The following ASIC2 variants were observed in gnomAD, a reference collection of about 807,000 sequenced individuals.
The protein encoded by ASIC2 is acid-sensing ion channel 2.
ASIC2 carries 25 observed loss-of-function variants against 57.3 expected under a neutral mutation model. The observed-to-expected ratio is 0.44, with a 90% CI of 0.32 to 0.61. The LOEUF (loss-of-function observed/expected upper bound fraction) is 0.61, where lower values mean the gene tolerates loss of function less well. ASIC2 is among the 20% of genes least tolerant of loss of function. The probability of loss-of-function intolerance (pLI) is 0.06; values close to 1 mark genes in which losing one functional copy is unlikely to be tolerated. For synonymous variants in ASIC2, 319 were observed against 307.5 expected (o/e 1.04, Z -0.39); for missense variants, 641 against 738.1 (o/e 0.87, Z 1.52).
chr17:33,370,634 T>G (rs1261816267), intron 1 of ASIC2, among the ~76,000 whole-genome samples: 1 of 152,210 alleles, frequency 6.6e-6, no homozygotes, highest in Non-Finnish European at 1.5e-5. Flanking sequence ...AAGCTCAGAA[T>G]GTACCATGCA....
At position 34,156,733 on chromosome 17, in the gene ASIC2, C is replaced by T. The variant is rs1904738379; in HGVS notation, c.-201G>A. 5 of 573,054 alleles carry T rather than the reference C, an allele frequency of 8.7e-6. No individual in the cohort carries two copies. Among genetic ancestry groups the T allele is most frequent in the Non-Finnish European group, 1.5e-5 (5 of 332,854 alleles). 35.5% of individuals were successfully genotyped at this position (573,054 alleles called of 1,614,324 possible). A position where few individuals can be genotyped will look rare whatever the true frequency, so the allele number is the denominator to read the frequency against. On this transcript the variant is annotated 5_prime_UTR_variant, in exon 1 of 10. Coordinates refer to the ASIC2 transcript ENST00000359872. This position sits in a 1 kb window ranked among gnomAD's most constrained non-coding sequence, Gnocchi z 4.4. The stretch of plus-strand genomic sequence containing the variant: ...TGTTTATATAAAACCCATTCAAACT[C>T]TAGCTCTTGATTTTTTCCAGGCGAT...
intron 1 of ASIC2, chr17:34,072,435 A>G (rs1257667339): frequency 6.6e-6 from 1 of 152,208 alleles, no homozygotes; most frequent in Non-Finnish European, 1.5e-5. Flanking sequence ...GGCTAGATAA[A>G]TTTTTAAGGC....
intron 1 of ASIC2, chr17:34,038,664 C>T: frequency 6.3e-7 from 1 of 1,584,736 alleles, no homozygotes; most frequent in Non-Finnish European, 8.7e-7. Flanking sequence ...CTCTCCAGCT[C>T]TGCCTGGATC....
rs551590387 is a variant in ASIC2 at position 33,380,103 on chromosome 17, G to T, written c.556-268036C>A. Among the ~76,000 whole-genome samples, 20 of 151,866 alleles carry T rather than the reference G, an allele frequency of 1.3e-4. No homozygotes were observed. In the East Asian group the frequency reaches 3.9e-3, roughly 30 times the overall value. ...TCTAGTAAAAATACAAAAATTAGCC[G>T]GGAGTGCTGGCACGTGCCTGTAATC... On this transcript the variant is annotated intron_variant, in intron 1 of 9. Transcript: ENST00000359872.
At chr17:33,928,472 C>A (rs116543765) in intron 1 of ASIC2, among the ~76,000 whole-genome samples, 269 of 152,344 alleles carry the variant, frequency 1.8e-3, no homozygotes, top group African/African-American at 6.1e-3. Context: ...TACACCTATG[C>A]TCTTTATGAT....
chr17:33,232,773 T>C (rs542359587), intron 1 of ASIC2, among the ~76,000 whole-genome samples: 1 of 152,278 alleles, frequency 6.6e-6, no homozygotes, highest in East Asian at 1.9e-4. Context: ...TTAATATGCA[T>C]CTCTGTGGCC....
At chr17:33,386,044 T>A (rs138846249) in intron 1 of ASIC2, among the ~76,000 whole-genome samples, 57 of 152,334 alleles carry the variant, frequency 3.7e-4, no homozygotes, top group African/African-American at 1.4e-3. Context: ...TATTTACTTA[T>A]CTAACAGACT....
chr17:34,129,468 C>T (rs535669898), intron 1 of ASIC2, among the ~76,000 whole-genome samples: 5 of 152,198 alleles, frequency 3.3e-5, no homozygotes, highest in Non-Finnish European at 7.3e-5. Flanking sequence ...TATACACACA[C>T]ATACCACAGG....
At chr17:33,693,703 T>C (rs772412377) in intron 1 of ASIC2, among the ~76,000 whole-genome samples, 24 of 152,082 alleles carry the variant, frequency 1.6e-4, no homozygotes, top group Admixed American at 2.6e-4. Flanking sequence ...GTCTCCCTAT[T>C]GCAGCTCACT....
chr17:33,553,308 G>A (rs548681833), intron 1 of ASIC2, among the ~76,000 whole-genome samples: 1 of 152,232 alleles, frequency 6.6e-6, no homozygotes, highest in African/African-American at 2.4e-5. Flanking sequence ...TTAGAATAAT[G>A]AGTCATATTC....
At chr17:33,742,266 C>G (rs576740935) in intron 1 of ASIC2, among the ~76,000 whole-genome samples, 1 of 152,322 alleles carries the variant, frequency 6.6e-6, no homozygotes, top group South Asian at 2.1e-4. Flanking sequence ...TCTTGCAGCC[C>G]CCTACTGTGC....
intron 1 of ASIC2, among the ~76,000 whole-genome samples, chr17:33,338,390 G>T (rs188324952): frequency 6.6e-6 from 1 of 152,316 alleles, no homozygotes; most frequent in East Asian, 1.9e-4. Context: ...GCAGAGGTTA[G>T]TGCTGGGCTT....
intron 1 of ASIC2, among the ~76,000 whole-genome samples, chr17:33,628,064 C>CTG (rs574692510): frequency 8.8e-4 from 134 of 152,220 alleles, no homozygotes; most frequent in African/African-American, 3.0e-3. Context: ...TCCTCCTGTG[C>CTG]TGTGTGTGGG....
intron 1 of ASIC2, among the ~76,000 whole-genome samples, chr17:33,655,686 C>G (rs1907054040): frequency 6.6e-6 from 1 of 152,158 alleles, no homozygotes; most frequent in Non-Finnish European, 1.5e-5. Context: ...AAGGCTGCAC[C>G]TCTATTTTGG....
chr17:33,578,210 G>C (rs920458839), intron 1 of ASIC2, among the ~76,000 whole-genome samples: 5 of 152,200 alleles, frequency 3.3e-5, no homozygotes, highest in Admixed American at 3.3e-4. Context: ...TCTGATTTTA[G>C]GAATGATGAG....
intron 1 of ASIC2, among the ~76,000 whole-genome samples, chr17:33,854,156 A>T (rs1370139799): frequency 6.6e-6 from 1 of 152,180 alleles, no homozygotes; most frequent in African/African-American, 2.4e-5. Flanking sequence ...GAGGAGGCAC[A>T]TTTCTTTGCT....
intron 1 of ASIC2, among the ~76,000 whole-genome samples, chr17:33,475,125 C>CTGAG (rs1331935404): frequency 1.3e-5 from 2 of 151,772 alleles, no homozygotes; most frequent in African/African-American, 4.8e-5. Flanking sequence ...CCAACCCAGC[C>CTGAG]TGAGACACTC....
chr17:33,304,282 T>C (rs562887386), intron 1 of ASIC2, among the ~76,000 whole-genome samples: 1 of 152,300 alleles, frequency 6.6e-6, no homozygotes, highest in East Asian at 1.9e-4. Flanking sequence ...TCTTTGAACA[T>C]GAACAATGGT....
intron 3 of ASIC2, among the ~76,000 whole-genome samples, chr17:33,063,324 G>A (rs2092028799): frequency 6.6e-6 from 1 of 152,288 alleles, no homozygotes; most frequent in African/African-American, 2.4e-5. Flanking sequence ...CATGTTTAGT[G>A]CTTCCTTCAG....
Sources: gnomAD v4.1 joint callset for allele counts (sites outside exome capture counted in the v4.1 genomes callset) on GRCh38, gnomAD v4.1.1 for gene constraint, Gnocchi (gnomAD v3.1) non-coding constraint, MANE v1.5 for transcripts, NCBI Gene and HGNC (gene_info 2026-07-23, HGNC 2026-07-21) for gene names.